The following TTC39C variants were observed in gnomAD, a reference collection of about 807,000 sequenced individuals.
TTC39C encodes tetratricopeptide repeat protein 39C.
A neutral mutation model predicts 76.3 loss-of-function variants in TTC39C; 33 were observed. That is an observed-to-expected ratio of 0.43 (90% confidence interval 0.33 to 0.58). The LOEUF is 0.58. Among genes scored for constraint, TTC39C ranks in the 20% least tolerant of loss-of-function variants. TTC39C has a pLI of 0.04. For synonymous variants in TTC39C, 254 were observed against 260.6 expected (o/e 0.97, Z 0.24); for missense variants, 595 against 701.4 (o/e 0.85, Z 1.71).
intron 6 of TTC39C, among the ~76,000 whole-genome samples, chr18:24,111,919 A>AT (rs1419152027): frequency 2.7e-3 from 18 of 6,698 alleles, no homozygotes; most frequent in South Asian, 0.016. Flanking sequence ...ATATATATAT[A>AT]TATATTTTTT....
At chr18:24,028,420 T>C (rs2083623472) in intron 1 of TTC39C, among the ~76,000 whole-genome samples, 1 of 152,204 alleles carries the variant, frequency 6.6e-6, no homozygotes, top group African/African-American at 2.4e-5. Context: ...TGGAAGAATG[T>C]TGATTTGTAA....
At chr18:24,050,059 G>A (rs1948371429) in intron 1 of TTC39C, among the ~76,000 whole-genome samples, 1 of 152,134 alleles carries the variant, frequency 6.6e-6, no homozygotes, top group African/African-American at 2.4e-5. Flanking sequence ...TCCCAGGCCT[G>A]GCTGGCTGGT....
rs184961886 is a variant in TTC39C at position 24,058,512 on chromosome 18, G to A, written c.168-5628G>A. Among the ~76,000 whole-genome samples, 766 of 152,040 alleles carry A rather than the reference G, an allele frequency of 5.0e-3. 1 individual carries two copies. The highest frequency in any genetic ancestry group is 0.012 in the African/African-American group (488 of 41,456). ...TCTACTAAAAATACAAAAATTAGCC[G>A]GGTGTGGTGGCATGAACCTGAGGTG... is the stretch of plus-strand genomic sequence containing the variant. On this transcript the variant is annotated intron_variant, in intron 1 of 13. Coordinates refer to ENST00000317571, the MANE Select transcript of TTC39C (RefSeq NM_001135993.2).
At chr18:24,107,286 A>AACACAC (rs10609672) in intron 6 of TTC39C, among the ~76,000 whole-genome samples, 2 of 150,560 alleles carry the variant, frequency 1.3e-5, no homozygotes, top group Middle Eastern at 3.2e-3. Context: ...ATCCTTCTCT[A>AACACAC]ACACACACAC....
rs1194604348 is a variant in TTC39C, at chr18:24,066,114, ACAAT to A, written c.323_326del (p.Ile108ArgfsTer25). 1 of 1,598,914 alleles carries A rather than the reference ACAAT, an allele frequency of 6.3e-7. No homozygotes were observed. Among genetic ancestry groups the A allele is most frequent in the Non-Finnish European group, 8.5e-7 (1 of 1,176,510 alleles). The stretch of plus-strand genomic sequence containing the variant: ...AAGTGAAGAGGCTGGAGTAATTGAA[ACAAT>A]CAAGAATAAAATTAAGAAGAACGTA... On this transcript the variant is annotated frameshift_variant, in exon 3 of 14. Coordinates refer to ENST00000317571, the MANE Select transcript of TTC39C (RefSeq NM_001135993.2). LOFTEE classifies it high-confidence loss of function.
chr18:24,104,926 A>G lies in TTC39C; in HGVS notation c.985-9628A>G, dbSNP rs1220518738. On this transcript the variant is annotated intron_variant, in intron 6 of 13. Transcript: ENST00000317571. ...TATTAAAAGCTCCATCTCCCCCATCAAGGACTTTCTAAACGTAACTCTAAA... is the reference window on the plus strand; with the variant it reads ...TATTAAAAGCTCCATCTCCCCCATCGAGGACTTTCTAAACGTAACTCTAAA... 6.6e-5 allele frequency among the ~76,000 whole-genome samples: 10 copies of G among 152,132 alleles called. No individual in the cohort carries two copies. In the East Asian group the frequency reaches 1.7e-3, roughly 26 times the overall value.
rs61658056 is a variant in TTC39C at position 24,061,239 on chromosome 18, T to TAAAA, written c.168-2897_168-2894dup. Among the ~76,000 whole-genome samples, 33 of 150,386 alleles carry TAAAA rather than the reference T, an allele frequency of 2.2e-4. 1 individual carries two copies. Among genetic ancestry groups the TAAAA allele is most frequent in the African/African-American group, 6.1e-4 (25 of 40,770 alleles). On this transcript the variant is annotated intron_variant, in intron 1 of 13. Coordinates refer to ENST00000317571, the MANE Select transcript of TTC39C (RefSeq NM_001135993.2). ...ATATTTAGTCTTCTTTTTTTTTTTT[T>TAAAA]AAAAAAATAGGTTTTTCACTATGGT...
intron 1 of TTC39C, among the ~76,000 whole-genome samples, chr18:24,043,285 T>G (rs1158030039): frequency 6.6e-6 from 1 of 152,056 alleles, no homozygotes; most frequent in Non-Finnish European, 1.5e-5. Flanking sequence ...TTGCTTAAGT[T>G]GGAGACTTCA....
intron 1 of TTC39C, among the ~76,000 whole-genome samples, chr18:24,029,615 T>C (rs1040289055): frequency 6.6e-6 from 1 of 152,230 alleles, no homozygotes; most frequent in Non-Finnish European, 1.5e-5. Flanking sequence ...ACCCAAGCAG[T>C]GTACACTGTA....
At chr18:24,025,799 G>A (rs1029974971) in intron 1 of TTC39C, among the ~76,000 whole-genome samples, 1 of 152,184 alleles carries the variant, frequency 6.6e-6, no homozygotes, top group Non-Finnish European at 1.5e-5. Flanking sequence ...AGCCTGCTTA[G>A]AACAGCACAA....
intron 1 of TTC39C, among the ~76,000 whole-genome samples, chr18:24,021,161 A>G (rs956495165): frequency 6.6e-6 from 1 of 152,174 alleles, no homozygotes; most frequent in Non-Finnish European, 1.5e-5. Context: ...AAGTACAGAA[A>G]AGTAGATGGC....
chr18:24,132,363 A>G (rs2085140814), intron 13 of TTC39C, 122 bp from the exon 14 acceptor site: 2 of 698,510 alleles, frequency 2.9e-6, no homozygotes, highest in East Asian at 5.9e-5. Context: ...TGGATGGGAA[A>G]CCTTTACTGG....
rs140597970 is a variant in TTC39C, at chr18:24,133,557, C to G, written c.*983C>G. The G allele has an allele frequency of 6.6e-6, 1 of 152,294 alleles. No individual in the cohort carries two copies. The highest frequency in any genetic ancestry group is 2.4e-5 in the African/African-American group (1 of 41,572). 9.4% of individuals were successfully genotyped at this position (152,294 alleles called of 1,614,324 possible). On this transcript the variant is annotated 3_prime_UTR_variant, in exon 14 of 14. Coordinates refer to ENST00000317571, the MANE Select transcript of TTC39C (RefSeq NM_001135993.2). ...CTTGAAAAGGTTATTCGTGAATGAA[C>G]ATAGATTTTGGCCTCAAAATATTTG...
chr18:24,088,096 G>A (rs1389673944), intron 6 of TTC39C, among the ~76,000 whole-genome samples: 1 of 152,166 alleles, frequency 6.6e-6, no homozygotes, highest in Admixed American at 6.5e-5. Context: ...CAAAGAAGAA[G>A]TTGTAAAAAT....
At chr18:24,092,726 T>A (rs2084540064) in intron 6 of TTC39C, among the ~76,000 whole-genome samples, 1 of 151,896 alleles carries the variant, frequency 6.6e-6, no homozygotes, top group African/African-American at 2.4e-5. Context: ...AGTGTGGAGG[T>A]AGGTGAGGGA....
At chr18:24,097,285 G>T (rs913666422) in intron 6 of TTC39C, among the ~76,000 whole-genome samples, 1 of 152,166 alleles carries the variant, frequency 6.6e-6, no homozygotes, top group Non-Finnish European at 1.5e-5. Context: ...CTTTGCTCTT[G>T]CTGTCTTTGC....
intron 6 of TTC39C, among the ~76,000 whole-genome samples, chr18:24,089,658 G>C (rs898092969): frequency 6.6e-6 from 1 of 152,122 alleles, no homozygotes; most frequent in African/African-American, 2.4e-5. Flanking sequence ...CAAGTAGAAG[G>C]TTAATATTGA....
At chr18:24,015,283 C>G (rs1342769902) in intron 1 of TTC39C, 1 of 383,406 alleles carries the variant, frequency 2.6e-6, no homozygotes, top group East Asian at 4.2e-5. Context: ...CCGCCCCGCG[C>G]GCCCGCAGTC....
chr18:24,056,916 C>G (rs2084023647), intron 1 of TTC39C, among the ~76,000 whole-genome samples: 1 of 152,092 alleles, frequency 6.6e-6, no homozygotes. Flanking sequence ...CTCCTAGTCT[C>G]AAGCAATCCT....
Sources: gnomAD v4.1 joint callset for allele counts (sites outside exome capture counted in the v4.1 genomes callset) on GRCh38, gnomAD v4.1.1 for gene constraint, MANE v1.5 for transcripts, NCBI Gene and HGNC (gene_info 2026-07-23, HGNC 2026-07-21) for gene names.